Variants in ZNF521 observed in about 807,000 individuals in gnomAD.
ZNF521 encodes zinc finger protein 521.
A neutral mutation model predicts 105.5 loss-of-function variants in ZNF521; 14 were observed. That is an observed-to-expected ratio of 0.13 (90% CI 0.09 to 0.21). ZNF521 has a LOEUF of 0.21. Among genes scored for constraint, ZNF521 ranks in the 10% least tolerant of loss-of-function variants. The pLI, the probability that ZNF521 is intolerant of heterozygous loss-of-function variation, is 1.00. For synonymous variants in ZNF521, 635 were observed against 606.0 expected (o/e 1.05, Z -0.70); for missense variants, 1,233 against 1,629.7 (o/e 0.76, Z 4.19).
chr18:25,236,171 G>C (rs1337273587), intron 3 of ZNF521, among the ~76,000 whole-genome samples: 1 of 152,200 alleles, frequency 6.6e-6, no homozygotes, highest in Non-Finnish European at 1.5e-5. Flanking sequence ...ACTCAAAGTA[G>C]TATCTGTTGT....
At position 25,227,095 on chromosome 18, in the gene ZNF521, T is replaced by G. The variant is rs137956787; in HGVS notation, c.823A>C (p.Asn275His). The change falls in exon 4 of 8, where the codon AAT (asparagine) becomes CAT (histidine). Residue 275 changes from asparagine (N) to histidine (H), a missense_variant. Physicochemically the swap from Asn to His is moderately conservative, Grantham distance 68 (BLOSUM62 1). Coordinates refer to ENST00000361524, the MANE Select transcript of ZNF521 (RefSeq NM_015461.3). This position sits in a 1 kb window ranked among gnomAD's most constrained non-coding sequence, Gnocchi z 5.7. The stretch of plus-strand genomic sequence containing the variant: ...CACTGGAGGGCCGCTCGGTCCTCAT[T>G]TGGGGAGCATTCGGGGTGGCACTCT... ...IAECHPECSP[N>H]EDRAALQCVY... The G allele has an allele frequency of 2.6e-5, 42 of 1,613,872 alleles. No homozygotes were observed. The highest frequency in any genetic ancestry group is 3.4e-5 in the Non-Finnish European group (40 of 1,179,980).
At chr18:25,165,220 T>C (rs1301872396) in intron 5 of ZNF521, among the ~76,000 whole-genome samples, 2 of 152,088 alleles carry the variant, frequency 1.3e-5, no homozygotes, top group Non-Finnish European at 2.9e-5. Context: ...CCTTGTAAGG[T>C]TTTATGGGAA....
intron 7 of ZNF521, among the ~76,000 whole-genome samples, chr18:25,087,152 C>G (rs752815246): frequency 6.6e-6 from 1 of 152,078 alleles, no homozygotes; most frequent in Non-Finnish European, 1.5e-5. Context: ...GATAGTAACT[C>G]ACATAAACCA....
chr18:25,066,559 CAG>C (rs551969135), intron 7 of ZNF521, among the ~76,000 whole-genome samples: 44 of 152,234 alleles, frequency 2.9e-4, no homozygotes, highest in Non-Finnish European at 5.7e-4. Flanking sequence ...TGGGAGCACT[CAG>C]TGTTTTTTGT....
intron 3 of ZNF521, among the ~76,000 whole-genome samples, chr18:25,303,257 C>CTCTT (rs1491349098): frequency 1.3e-4 from 19 of 148,928 alleles, no homozygotes; most frequent in Admixed American, 3.4e-4. Context: ...AAAAAAGAAA[C>CTCTT]TCTTTCTTTC....
chr18:25,182,816 C>A (rs149161511), intron 5 of ZNF521, among the ~76,000 whole-genome samples: 4 of 152,226 alleles, frequency 2.6e-5, no homozygotes, highest in Non-Finnish European at 5.9e-5. Flanking sequence ...GAGTCAAACA[C>A]ACATTTCATA....
intron 3 of ZNF521, among the ~76,000 whole-genome samples, chr18:25,240,768 G>A (rs548586144): frequency 2.3e-4 from 35 of 152,024 alleles, no homozygotes; most frequent in African/African-American, 8.2e-4. Context: ...CCCATAGAGG[G>A]TACAGGCTGG....
chr18:25,250,173 TTGTGATCCACCAATGAAAAA>T (rs1301665321), intron 3 of ZNF521, among the ~76,000 whole-genome samples: 1 of 152,198 alleles, frequency 6.6e-6, no homozygotes, highest in Non-Finnish European at 1.5e-5. Context: ...TCTCCTGACA[TTGTGATCCACCAATGAAAAA>T]TGTAAAATCA....
rs756787327 is a variant in ZNF521 at position 25,226,478 on chromosome 18, G to A, written c.1440C>T (p.Asn480=). 1.4e-5 allele frequency: 23 copies of A among 1,614,096 alleles called. No individual in the cohort carries two copies. The highest frequency in any genetic ancestry group is 1.3e-5 in the African/African-American group (1 of 74,944). ...GGTCGTTGACAACTTCGGAACAGAAGTTACACTGGTAGACAATGGCAGGCA... is the reference window on the plus strand; with the variant it reads ...GGTCGTTGACAACTTCGGAACAGAAATTACACTGGTAGACAATGGCAGGCA... ...SAMPAIVYQC[N]FCSEVVNDLN... Residue 480 remains asparagine (N), a synonymous_variant, in exon 4 of 8, where the codon AAC becomes AAT. Coordinates refer to ENST00000361524, the MANE Select transcript of ZNF521 (RefSeq NM_015461.3). This position sits in a 1 kb window ranked among gnomAD's most constrained non-coding sequence, Gnocchi z 4.1.
intron 5 of ZNF521, among the ~76,000 whole-genome samples, chr18:25,176,088 A>G (rs2035529869): frequency 6.6e-6 from 1 of 152,230 alleles, no homozygotes; most frequent in African/African-American, 2.4e-5. Context: ...AGGCAAAATG[A>G]GTATGCAGCT....
chr18:25,069,985 A>T (rs1487115683), intron 7 of ZNF521, among the ~76,000 whole-genome samples: 1 of 152,192 alleles, frequency 6.6e-6, no homozygotes, highest in Non-Finnish European at 1.5e-5. Flanking sequence ...AGAAACACTG[A>T]TGCATTTTCT....
At chr18:25,325,032 T>C (rs1000405691) in intron 2 of ZNF521, among the ~76,000 whole-genome samples, 2 of 152,218 alleles carry the variant, frequency 1.3e-5, no homozygotes, top group South Asian at 2.1e-4. Flanking sequence ...TTAGGATGCA[T>C]GCTCCAGCCA....
At chr18:25,229,310 C>G (rs1334384778) in intron 3 of ZNF521, among the ~76,000 whole-genome samples, 1 of 151,792 alleles carries the variant, frequency 6.6e-6, no homozygotes, top group Non-Finnish European at 1.5e-5. Flanking sequence ...TGGCAACCCT[C>G]TCACTCTGAG....
chr18:25,114,967 A>T (rs1054114395), intron 5 of ZNF521, among the ~76,000 whole-genome samples: 7 of 151,854 alleles, frequency 4.6e-5, no homozygotes, highest in Non-Finnish European at 7.4e-5. Flanking sequence ...TTCTTGTTTT[A>T]TTTTTTTTCC....
intron 5 of ZNF521, among the ~76,000 whole-genome samples, chr18:25,160,535 C>T (rs953039804): frequency 1.3e-5 from 2 of 152,206 alleles, no homozygotes; most frequent in African/African-American, 4.8e-5. Context: ...TACACATATA[C>T]ATACACACAC....
chr18:25,087,997 C>G (rs2033659889), intron 7 of ZNF521, among the ~76,000 whole-genome samples: 1 of 152,060 alleles, frequency 6.6e-6, no homozygotes, highest in Admixed American at 6.5e-5. Context: ...CATCAGGGCC[C>G]AAGGAAGCAC....
chr18:25,180,442 A>G (rs2144589471), intron 5 of ZNF521, among the ~76,000 whole-genome samples: 1 of 152,208 alleles, frequency 6.6e-6, no homozygotes, highest in Non-Finnish European at 1.5e-5. Context: ...TCACCACATC[A>G]GTGCAAATAG....
intron 7 of ZNF521, among the ~76,000 whole-genome samples, chr18:25,082,210 T>C (rs1183784978): frequency 6.6e-6 from 1 of 152,192 alleles, no homozygotes; most frequent in East Asian, 1.9e-4. Context: ...ACGTGCTCAT[T>C]TGACACAATT....
chr18:25,295,406 A>G (rs1181487977), intron 3 of ZNF521, among the ~76,000 whole-genome samples: 2 of 152,208 alleles, frequency 1.3e-5, no homozygotes, highest in African/African-American at 4.8e-5. Context: ...ATTTGCTAGC[A>G]CAACAGGATG....
Sources: allele counts gnomAD v4.1 joint callset (sites outside exome capture counted in the v4.1 genomes callset), GRCh38; gene constraint gnomAD v4.1.1; non-coding constraint Gnocchi (gnomAD v3.1); transcripts MANE v1.5; gene names NCBI Gene and HGNC (gene_info 2026-07-23, HGNC 2026-07-21).